RPS5: variants seen among roughly 807,000 people sequenced by gnomAD.
RPS5 encodes small ribosomal subunit protein uS7.
RPS5 carries 2 observed loss-of-function variants against 20.9 expected under a neutral mutation model. The ratio of observed to expected loss-of-function variants is 0.10; its 90% CI spans 0.04 to 0.30. The LOEUF (loss-of-function observed/expected upper bound fraction) is 0.30. Ranked by LOEUF, RPS5 falls within the 10% of genes least tolerant of loss-of-function variation. The pLI, the probability that RPS5 is intolerant of heterozygous loss-of-function variation, is 1.00. For synonymous variants in RPS5, 112 were observed against 105.8 expected, an observed-to-expected ratio of 1.06 and a Z score of -0.36; for missense variants, 122 against 287.2, an observed-to-expected ratio of 0.42 and a Z score of 4.16.
At chr19:58,394,621 G>T in intron 5 of RPS5, 26 bp downstream of exon 5, 1 of 1,613,626 alleles carries the variant, frequency 6.2e-7, no homozygotes. Flanking sequence ...CCGGTTGGGG[G>T]GTCTTAAGTT....
At chr19:58,388,334 G>C in intron 2 of RPS5, 89 bp downstream of exon 2, 2 of 880,910 alleles carry the variant, frequency 2.3e-6, no homozygotes, top group Non-Finnish European at 3.7e-6. Context: ...GTGCCATTAA[G>C]TCAAGAATAG....
chr19:58,393,623 A>T, intron 4 of RPS5, 136 bp downstream of exon 4: 1 of 1,163,238 alleles, frequency 8.6e-7, no homozygotes, highest in South Asian at 1.6e-5. Flanking sequence ...GCCTTCCTGG[A>T]TTCCCACCCT....
chr19:58,389,729 C>T (rs551277543), intron 2 of RPS5, among the ~76,000 whole-genome samples: 87 of 151,462 alleles, frequency 5.7e-4, no homozygotes, highest in African/African-American at 8.8e-4. Context: ...CTCCGCCTCC[C>T]GGGTTCAAGC....
At chr19:58,393,679 T>C in intron 4 of RPS5, 192 bp downstream of exon 4, 1 of 630,364 alleles carries the variant, frequency 1.6e-6, no homozygotes, top group Non-Finnish European at 2.7e-6. Context: ...GGAACACATT[T>C]GGCAGAGGTC....
At chr19:58,394,183 A>G (rs2052381990) in intron 4 of RPS5, 1 of 320,380 alleles carries the variant, frequency 3.1e-6, no homozygotes, top group Non-Finnish European at 6.0e-6. Context: ...ACTCCCTGCC[A>G]AAGTGTTCCT....
chr19:58,394,453 G>C (rs1214321516), intron 4 of RPS5, 44 bp from the exon 5 acceptor site: 39 of 1,563,734 alleles, frequency 2.5e-5, no homozygotes, highest in Non-Finnish European at 3.4e-5. Context: ...GGTGCTGGAG[G>C]ACCGCAGTCT....
At chr19:58,387,440 C>T (rs1453291440) in intron 1 of RPS5, 101 bp downstream of exon 1, 1 of 152,274 alleles carries the variant, frequency 6.6e-6, no homozygotes, top group Non-Finnish European at 1.5e-5. Context: ...TCATTTCTGT[C>T]TCTGGAAAAG....
chr19:58,388,525 G>C, intron 2 of RPS5: 1 of 500,860 alleles, frequency 2.0e-6, no homozygotes, highest in Admixed American at 3.7e-5. Context: ...AACATCCAGT[G>C]TCATTCTTTT....
At chr19:58,389,074 G>A (rs1458413009) in intron 2 of RPS5, among the ~76,000 whole-genome samples, 4 of 152,034 alleles carry the variant, frequency 2.6e-5, no homozygotes, top group South Asian at 2.1e-4. Flanking sequence ...TACTCCGTAC[G>A]GTTTTACACA....
In RPS5 at chr19:58,393,011, C is replaced by T. The variant is rs749034113; in HGVS notation, c.144C>T (p.Tyr48=). The part of the protein sequence containing the change: ...YIAVKEKYAK[Y]LPHSAGRYAA... Reference sequence around the variant, plus strand: ...CAGTGAAGGAGAAGTATGCCAAGTACCTGCCTCACAGTGCAGGGCGGTATG... The same window carrying T: ...CAGTGAAGGAGAAGTATGCCAAGTATCTGCCTCACAGTGCAGGGCGGTATG... The change falls in exon 3 of 6, where the codon TAC becomes TAT. Residue 48 remains tyrosine, a synonymous_variant. Transcript: ENST00000196551. 2.2e-5 allele frequency: 36 copies of T among 1,614,010 alleles called. No homozygotes were observed. Among genetic ancestry groups the T allele is most frequent in the Non-Finnish European group, 3.0e-5 (35 of 1,179,902 alleles).
intron 4 of RPS5, 120 bp downstream of exon 4, chr19:58,393,607 T>G: frequency 7.6e-7 from 1 of 1,309,742 alleles, no homozygotes; most frequent in Non-Finnish European, 1.0e-6. Context: ...TCACTTCCTC[T>G]AGGAAGCCTT....
rs1015215523 is a variant in RPS5, at chr19:58,389,482, A to G, written c.108+1237A>G. ...GAAAACTTTTTTGTTGTCTGTAAAG[A>G]TGTCAGGGGACTTAGGCACTATGCC... On this transcript the variant is annotated intron_variant, in intron 2 of 5. Transcript: ENST00000196551. 7.2e-5 allele frequency among the ~76,000 whole-genome samples: 11 copies of G among 152,280 alleles called. No homozygotes were observed. The East Asian group carries it at 1.3e-3, about 19-fold the overall frequency.
chr19:58,390,361 A>C (rs551774143), intron 2 of RPS5, among the ~76,000 whole-genome samples: 2 of 149,638 alleles, frequency 1.3e-5, no homozygotes, highest in South Asian at 4.2e-4. Context: ...CGCCCAGCCC[A>C]CAAACATTTT....
At chr19:58,393,981 T>G (rs1337362790) in intron 4 of RPS5, 1 of 168,682 alleles carries the variant, frequency 5.9e-6, no homozygotes, top group Non-Finnish European at 1.3e-5. Context: ...TATTGCCTTG[T>G]TTTTTAGAAA....
intron 2 of RPS5, chr19:58,388,565 T>A: frequency 2.4e-6 from 1 of 422,340 alleles, no homozygotes; most frequent in Non-Finnish European, 4.2e-6. Flanking sequence ...TCCAGTACCA[T>A]CTCCTAAAGA....
Position 58,388,212 on chromosome 19 carries a change from C to T in RPS5, c.75C>T (p.Thr25=), listed in dbSNP as rs1158758809. ...TCAAGCTCTTTGGGAAGTGGAGCAC[C>T]GATGATGTGCAGATCAATGACATTT... is the stretch of plus-strand genomic sequence containing the variant. ...PDIKLFGKWS[T]DDVQINDISL... Residue 25 remains threonine (T), a synonymous_variant, in exon 2 of 6, where the codon ACC becomes ACT. Coordinates refer to ENST00000196551, the MANE Select transcript of RPS5 (RefSeq NM_001009.4). 10 of 1,612,620 alleles carry T rather than the reference C, an allele frequency of 6.2e-6. No individual in the cohort carries two copies. Among genetic ancestry groups the T allele is most frequent in the Non-Finnish European group, 8.5e-6 (10 of 1,179,518 alleles).
intron 1 of RPS5, chr19:58,387,922 T>G: frequency 1.8e-6 from 1 of 568,684 alleles, no homozygotes; most frequent in Admixed American, 3.1e-5. Context: ...TGCCAAGTCT[T>G]GGGCCCAGGG....
chr19:58,392,924 C>T, intron 2 of RPS5, 52 bp from the exon 3 acceptor site: 1 of 1,568,526 alleles, frequency 6.4e-7, no homozygotes, highest in Middle Eastern at 1.7e-4. Context: ...TGGCCAACGC[C>T]CATGCTGCTC....
At chr19:58,391,564 T>C (rs1410781459) in intron 2 of RPS5, among the ~76,000 whole-genome samples, 1 of 150,344 alleles carries the variant, frequency 6.7e-6, no homozygotes, top group Non-Finnish European at 1.5e-5. Context: ...GATTGCAACG[T>C]TGCACTCCAG....
Sources: gnomAD v4.1 joint callset for allele counts (sites outside exome capture counted in the v4.1 genomes callset) on GRCh38, gnomAD v4.1.1 for gene constraint, MANE v1.5 for transcripts, NCBI Gene and HGNC (gene_info 2026-07-23, HGNC 2026-07-21) for gene names.